The following PARVG variants were observed in gnomAD, a reference collection of about 807,000 sequenced individuals.
PARVG encodes the protein parvin gamma, also known as gamma-parvin.
PARVG carries 36 observed loss-of-function variants against 44.4 expected under a neutral mutation model. The ratio of observed to expected loss-of-function variants is 0.81; its 90% confidence interval spans 0.62 to 1.07. The LOEUF (loss-of-function observed/expected upper bound fraction) is 1.07, where lower values mean the gene tolerates loss of function less well. Among genes scored for constraint, PARVG ranks in the 50% least tolerant of loss-of-function variants. PARVG has a pLI of 0.00. For synonymous variants in PARVG, 170 were observed against 174.1 expected (o/e 0.98, Z 0.19); for missense variants, 407 against 407.4 (o/e 1.00, Z 0.01).
At chr22:44,183,032 G>C (rs1472363198) in intron 2 of PARVG, 2 of 421,776 alleles carry the variant, frequency 4.7e-6, no homozygotes, top group African/African-American at 4.2e-5. Flanking sequence ...ACGGTGGGCG[G>C]CCGCTCTGCA....
intron 7 of PARVG, among the ~76,000 whole-genome samples, chr22:44,191,462 A>G (rs935133905): frequency 2.8e-5 from 4 of 142,918 alleles, no homozygotes; most frequent in African/African-American, 7.8e-5. Context: ...CAGTGGTACA[A>G]TCTTGGCTCA....
At chr22:44,191,280 C>G (rs2054544691) in intron 7 of PARVG, among the ~76,000 whole-genome samples, 1 of 152,146 alleles carries the variant, frequency 6.6e-6, no homozygotes, top group African/African-American at 2.4e-5. Flanking sequence ...CCCACCCCAC[C>G]CCAGCCTCGG....
rs775982281 is a variant in PARVG, at chr22:44,198,677, G to A, written c.768G>A (p.Leu256=). ...LLIGQLEGFF[L]HLKEFYLTPN... is the part of the protein sequence containing the mutation. The stretch of plus-strand genomic sequence containing the variant: ...TTGGACAACTTGAAGGCTTCTTCCT[G>A]CACTTAAAGGAATTCTACCTCACTC... The change falls in exon 12 of 14, where the codon CTG becomes CTA. Residue 256 remains leucine (L), a synonymous_variant. Coordinates refer to ENST00000444313, the MANE Select transcript of PARVG (RefSeq NM_022141.7). 1 of 1,613,772 alleles carries A rather than the reference G, an allele frequency of 6.2e-7. No homozygotes were observed. Among genetic ancestry groups the A allele is most frequent in the South Asian group, 1.1e-5 (1 of 91,080 alleles).
At position 44,206,707 on chromosome 22, in the gene PARVG, C is replaced by A. The variant is rs1015450252; in HGVS notation, c.*281C>A. ...GAGGGCCCTTAAACCTGCAGCCTCC[C>A]TCCCATGGGGTGAGTGTGTGTCACA... On this transcript the variant is annotated 3_prime_UTR_variant, in exon 14 of 14. Coordinates refer to ENST00000444313, the MANE Select transcript of PARVG (RefSeq NM_022141.7). The A allele has an allele frequency of 1.4e-5, 6 of 429,480 alleles. No homozygotes were observed. Among genetic ancestry groups the A allele is most frequent in the South Asian group, 2.4e-5 (1 of 41,690 alleles). 26.6% of individuals were successfully genotyped at this position (429,480 alleles called of 1,614,324 possible).
intron 9 of PARVG, among the ~76,000 whole-genome samples, chr22:44,195,294 G>A (rs1216015609): frequency 6.6e-6 from 1 of 152,160 alleles, no homozygotes; most frequent in Non-Finnish European, 1.5e-5. Flanking sequence ...GCATTTTAAC[G>A]TGCATGATGC....
At chr22:44,201,737 T>C (rs1302439562) in intron 12 of PARVG, among the ~76,000 whole-genome samples, 1 of 152,232 alleles carries the variant, frequency 6.6e-6, no homozygotes, top group African/African-American at 2.4e-5. Flanking sequence ...TGAGTTTAGC[T>C]GCTAGAGGCT....
chr22:44,198,909 C>CCCATCCATCCACCCACCCATCCAT (rs1569186332), intron 12 of PARVG, among the ~76,000 whole-genome samples, 187 bp downstream of exon 12: 3 of 111,174 alleles, frequency 2.7e-5, no homozygotes, highest in Admixed American at 9.8e-5. Context: ...CATCCATCTA[C>CCCATCCATCCACCCACCCATCCAT]CCATCCATCC....
In PARVG at chr22:44,181,077, G is replaced by A. The variant is rs543956192; in HGVS notation, c.-297G>A. 55 of 756,738 alleles carry A rather than the reference G, an allele frequency of 7.3e-5. No individual in the cohort carries two copies. The highest frequency in any genetic ancestry group is 1.3e-3 in the Middle Eastern group (2 of 1,518). 46.9% of individuals were successfully genotyped at this position (756,738 alleles called of 1,614,324 possible). On this transcript the variant is annotated 5_prime_UTR_variant, in exon 1 of 14. Coordinates refer to ENST00000444313, the MANE Select transcript of PARVG (RefSeq NM_022141.7). Reference sequence around the variant, plus strand: ...TTCCACTGCAAACTCCTATGCAGCCGTCAAGGCCCCATTCTCCTCTGGAAA... The same window carrying A: ...TTCCACTGCAAACTCCTATGCAGCCATCAAGGCCCCATTCTCCTCTGGAAA...
At chr22:44,202,481 G>A (rs989410751) in intron 12 of PARVG, among the ~76,000 whole-genome samples, 14 of 152,224 alleles carry the variant, frequency 9.2e-5, no homozygotes, top group Non-Finnish European at 1.9e-4. Context: ...GGGAACAAAC[G>A]TGCAGACTTC....
At chr22:44,188,145 C>G in intron 5 of PARVG, 1 of 518,738 alleles carries the variant, frequency 1.9e-6, no homozygotes, top group South Asian at 2.2e-5. Context: ...CTCTCTAACA[C>G]TTATTGAGTG....
intron 12 of PARVG, among the ~76,000 whole-genome samples, chr22:44,203,428 C>T (rs558195447): frequency 6.6e-6 from 1 of 152,274 alleles, no homozygotes; most frequent in East Asian, 1.9e-4. Flanking sequence ...TGAAGGACTT[C>T]CATAGTATTT....
At chr22:44,186,775 T>C (rs2054477776) in intron 4 of PARVG, 1 of 413,328 alleles carries the variant, frequency 2.4e-6, no homozygotes, top group East Asian at 7.2e-5. Context: ...ACATGGTTAG[T>C]GATGGAGCTG....
At chr22:44,197,051 G>A (rs913311348) in intron 11 of PARVG, among the ~76,000 whole-genome samples, 3 of 152,202 alleles carry the variant, frequency 2.0e-5, no homozygotes, top group African/African-American at 7.2e-5. Context: ...AGTGGGCATG[G>A]AGTCTGCTGG....
intron 4 of PARVG, 116 bp downstream of exon 4, chr22:44,185,988 T>C (rs1481531459): frequency 2.2e-5 from 20 of 909,706 alleles, no homozygotes; most frequent in Non-Finnish European, 3.3e-6. Context: ...GGCTGGGGGG[T>C]GGCGACCCCC....
chr22:44,194,308 C>G (rs1046866238), intron 9 of PARVG, among the ~76,000 whole-genome samples: 2 of 152,244 alleles, frequency 1.3e-5, no homozygotes, highest in Admixed American at 1.3e-4. Flanking sequence ...GGCTTCTGCT[C>G]TTCTGACAGA....
chr22:44,197,075 G>A (rs2054628732), intron 11 of PARVG, among the ~76,000 whole-genome samples: 1 of 152,168 alleles, frequency 6.6e-6, no homozygotes, highest in African/African-American at 2.4e-5. Context: ...CCAGTGGCCT[G>A]AATGGGACAT....
Position 44,182,650 on chromosome 22 carries a change from G to A in PARVG, c.-12-668G>A, listed in dbSNP as rs889418458. Among the ~76,000 whole-genome samples the A allele has an allele frequency of 6.6e-6, 1 of 152,206 alleles. No individual in the cohort carries two copies. The highest frequency in any genetic ancestry group is 1.5e-5 in the Non-Finnish European group (1 of 68,030). ...GACCCAGGGGCTGAAAAGGGAGGAA[G>A]AGGGAGGCCAGAAGGCGCCAGCCGA... On this transcript the variant is annotated intron_variant, in intron 2 of 13. Transcript: ENST00000444313. This position sits in a 1 kb window ranked among gnomAD's most constrained non-coding sequence, Gnocchi z 4.6.
chr22:44,206,265 G>C (rs904316866), intron 13 of PARVG, 52 bp from the exon 14 acceptor site: 7 of 1,324,662 alleles, frequency 5.3e-6, no homozygotes, highest in Non-Finnish European at 5.4e-6. Context: ...CGGGACAGTC[G>C]GTCACTGCCA....
At chr22:44,199,263 A>G (rs984319011) in intron 12 of PARVG, among the ~76,000 whole-genome samples, 1 of 151,750 alleles carries the variant, frequency 6.6e-6, no homozygotes, top group Non-Finnish European at 1.5e-5. Flanking sequence ...AAGTTTATCT[A>G]TATGTCTGTC....
Sources: gnomAD v4.1 joint callset for allele counts (sites outside exome capture counted in the v4.1 genomes callset) on GRCh38, gnomAD v4.1.1 for gene constraint, Gnocchi (gnomAD v3.1) non-coding constraint, MANE v1.5 for transcripts, NCBI Gene and HGNC (gene_info 2026-07-23, HGNC 2026-07-21) for gene names.